PPARGC1A: variants seen among roughly 807,000 people sequenced by gnomAD.
PPARGC1A encodes the protein peroxisome proliferator-activated receptor gamma coactivator 1-alpha.
Under a neutral mutation model 88.7 loss-of-function variants are expected in PPARGC1A, and 25 were observed. The ratio of observed to expected loss-of-function variants is 0.28; its 90% CI spans 0.21 to 0.39. PPARGC1A has a LOEUF of 0.39. Ranked by LOEUF, PPARGC1A falls within the 10% of genes least tolerant of loss-of-function variation. PPARGC1A has a pLI of 1.00. For missense variants in PPARGC1A, 880 were observed against 968.7 expected, an observed-to-expected ratio of 0.91 and a Z score of 1.22; for synonymous variants, 363 against 355.6, an observed-to-expected ratio of 1.02 and a Z score of -0.24.
At chr4:24,053,335 T>C in the PPARGC1A span, among the ~76,000 whole-genome samples, 1 of 152,124 alleles carries the variant, frequency 6.6e-6, no homozygotes, top group Non-Finnish European at 1.5e-5. Flanking sequence ...CCTAAGGAAT[T>C]AGTTTTAAGT....
chr4:24,324,919 A>T, the PPARGC1A span, among the ~76,000 whole-genome samples: 1 of 151,984 alleles, frequency 6.6e-6, no homozygotes, highest in East Asian at 1.9e-4. Flanking sequence ...CTAGGTCCCA[A>T]TAATTCCTCA....
the PPARGC1A span, among the ~76,000 whole-genome samples, chr4:24,426,838 T>G: frequency 6.6e-6 from 1 of 152,124 alleles, no homozygotes; most frequent in East Asian, 1.9e-4. Context: ...ACTGAAAAGA[T>G]AAATACTCGG....
the PPARGC1A span, among the ~76,000 whole-genome samples, chr4:24,235,240 A>G: frequency 2.6e-5 from 4 of 152,218 alleles, no homozygotes; most frequent in Admixed American, 2.6e-4. Flanking sequence ...GGAAGACCTC[A>G]GTAAAAAACG....
At chr4:23,929,480 A>C in the PPARGC1A span, among the ~76,000 whole-genome samples, 1 of 152,176 alleles carries the variant, frequency 6.6e-6, no homozygotes, top group Admixed American at 6.5e-5. Flanking sequence ...GGAAAAATAA[A>C]AGGAGTAAGG....
At chr4:24,159,780 T>C in the PPARGC1A span, among the ~76,000 whole-genome samples, 1 of 152,192 alleles carries the variant, frequency 6.6e-6, no homozygotes, top group Non-Finnish European at 1.5e-5. Flanking sequence ...CCATGTTTTA[T>C]ATAAAACTTC....
chr4:24,120,717 T>A, the PPARGC1A span, among the ~76,000 whole-genome samples: 2 of 152,080 alleles, frequency 1.3e-5, no homozygotes, highest in African/African-American at 4.8e-5. Context: ...AAGAGATTAT[T>A]ACCCTCATAA....
At chr4:24,109,021 A>ACACACACACAC in the PPARGC1A span, among the ~76,000 whole-genome samples, 1 of 132,488 alleles carries the variant, frequency 7.5e-6, no homozygotes, top group African/African-American at 3.4e-5. Context: ...CACACACACC[A>ACACACACACAC]CACACACACA....
At chr4:24,091,716 G>C in the PPARGC1A span, 1 of 852,758 alleles carries the variant, frequency 1.2e-6, no homozygotes, top group South Asian at 5.4e-5. Context: ...GGGACACATG[G>C]GGCTACCCAG....
At chr4:24,060,425 A>G in the PPARGC1A span, among the ~76,000 whole-genome samples, 2 of 152,338 alleles carry the variant, frequency 1.3e-5, no homozygotes, top group African/African-American at 4.8e-5. Context: ...TAGAATTTCT[A>G]GTAACTCTAC....
At chr4:24,358,863 A>G in the PPARGC1A span, among the ~76,000 whole-genome samples, 2 of 152,208 alleles carry the variant, frequency 1.3e-5, no homozygotes, top group African/African-American at 4.8e-5. Context: ...TCTAGCAGGT[A>G]GGTTGTGTGA....
At chr4:23,881,957 C>T (rs1716025067) in intron 2 of PPARGC1A, 1 of 152,168 alleles carries the variant, frequency 6.6e-6, no homozygotes, top group Non-Finnish European at 1.5e-5. Context: ...TTCATACGAA[C>T]CTTCTTCACA....
chr4:23,849,042 G>T lies in PPARGC1A; in HGVS notation c.235-17291C>A, dbSNP rs551900647. Among the ~76,000 whole-genome samples the T allele has an allele frequency of 5.9e-5, 9 of 152,234 alleles. No individual in the cohort carries two copies. In the East Asian group the frequency reaches 1.6e-3, roughly 26 times the overall value. ...GCCTGTACTCCCAGCTACTCGGGAG[G>T]CTGAGGCAGGAGAATGGCATGAACC... is the stretch of plus-strand genomic sequence containing the variant. On this transcript the variant is annotated intron_variant, in intron 2 of 12. Coordinates refer to ENST00000264867, the MANE Select transcript of PPARGC1A (RefSeq NM_013261.5).
At chr4:24,020,600 C>T in the PPARGC1A span, among the ~76,000 whole-genome samples, 5 of 152,162 alleles carry the variant, frequency 3.3e-5, no homozygotes, top group African/African-American at 1.2e-4. Context: ...ATGGGCTCCC[C>T]TTATCTTTCC....
At chr4:23,998,051 G>A in the PPARGC1A span, among the ~76,000 whole-genome samples, 6 of 152,080 alleles carry the variant, frequency 3.9e-5, no homozygotes, top group African/African-American at 1.2e-4. Context: ...TGGATAAATC[G>A]TCCAAATGAA....
chr4:24,094,747 C>A, the PPARGC1A span, among the ~76,000 whole-genome samples: 1 of 152,076 alleles, frequency 6.6e-6, no homozygotes, highest in Non-Finnish European at 1.5e-5. Context: ...TACATTAATA[C>A]AGGAGCTTAT....
the PPARGC1A span, among the ~76,000 whole-genome samples, chr4:24,031,308 T>G: frequency 6.6e-6 from 1 of 152,110 alleles, no homozygotes; most frequent in African/African-American, 2.4e-5. Context: ...AATAGATGAG[T>G]TGCTTTATGC....
At chr4:23,849,786 G>A (rs1728953337) in intron 2 of PPARGC1A, among the ~76,000 whole-genome samples, 1 of 150,474 alleles carries the variant, frequency 6.6e-6, no homozygotes, top group Non-Finnish European at 1.5e-5. Context: ...ATTCCTTCTT[G>A]TATTTATTTG....
chr4:24,139,374 C>A, the PPARGC1A span, among the ~76,000 whole-genome samples: 1 of 101,928 alleles, frequency 9.8e-6, no homozygotes, highest in Non-Finnish European at 1.9e-5. Flanking sequence ...ACCTTGTGAT[C>A]CGCCCGCCTT....
chr4:23,838,088 A>C (rs956352380), intron 2 of PPARGC1A, among the ~76,000 whole-genome samples: 7 of 152,200 alleles, frequency 4.6e-5, no homozygotes, highest in African/African-American at 1.7e-4. Context: ...TCTTTAACCC[A>C]TTCTAATCAG....
Sources: allele counts gnomAD v4.1 joint callset (sites outside exome capture counted in the v4.1 genomes callset), GRCh38; gene constraint gnomAD v4.1.1; transcripts MANE v1.5; gene names NCBI Gene and HGNC (gene_info 2026-07-23, HGNC 2026-07-21).